ACACA: variants seen among roughly 807,000 people sequenced by gnomAD.
The protein encoded by ACACA is acetyl-CoA carboxylase 1.
In ACACA, 103 loss-of-function variants were observed where a neutral mutation model predicts 296.1. The ratio of observed to expected loss-of-function variants is 0.35; its 90% CI spans 0.30 to 0.41. ACACA has a LOEUF of 0.41. Ranked by LOEUF, ACACA falls within the 10% of genes least tolerant of loss-of-function variation. The pLI is 1.00. For synonymous variants in ACACA, 953 were observed against 1,038.6 expected (o/e 0.92, Z 1.58); for missense variants, 1,554 against 2,989.7 (o/e 0.52, Z 11.20).
chr17:37,097,702 T>G lies in ACACA; in HGVS notation c.6720+128A>C. On this transcript the variant is annotated intron_variant, in intron 53 of 55. Transcript: ENST00000616317. This position sits in a 1 kb window ranked among gnomAD's most constrained non-coding sequence, Gnocchi z 4.8. Reference sequence around the variant, plus strand: ...GTGAAAATCTAAAAAATATTGAAAATGTTTTGATCTGCAGAAGTTGTTTTA... The same window carrying G: ...GTGAAAATCTAAAAAATATTGAAAAGGTTTTGATCTGCAGAAGTTGTTTTA... 9.2e-7 allele frequency: 1 copy of G among 1,089,110 alleles called. No homozygotes were observed. The highest frequency in any genetic ancestry group is 1.3e-6 in the Non-Finnish European group (1 of 748,440). The allele number at this position is 1,089,110 out of a possible 1,614,324, so 67.5% of individuals were successfully genotyped here.
chr17:37,254,191 A>G (rs1274009525), intron 14 of ACACA, among the ~76,000 whole-genome samples: 1 of 152,238 alleles, frequency 6.6e-6, no homozygotes, highest in Non-Finnish European at 1.5e-5. Flanking sequence ...TCAATGCCAG[A>G]CAGAATACTT....
intron 29 of ACACA, among the ~76,000 whole-genome samples, chr17:37,220,369 G>A (rs1438077381): frequency 6.6e-6 from 1 of 152,156 alleles, no homozygotes; most frequent in Non-Finnish European, 1.5e-5. Flanking sequence ...ACTGCCCAAA[G>A]GGAAGCAGGA....
At chr17:37,294,494 GC>G (rs1418642652) in intron 3 of ACACA, among the ~76,000 whole-genome samples, 3 of 152,058 alleles carry the variant, frequency 2.0e-5, no homozygotes, top group Admixed American at 1.3e-4. Context: ...AGATTCAATC[GC>G]TTTTAACTGG....
intron 3 of ACACA, among the ~76,000 whole-genome samples, chr17:37,316,155 C>T (rs1449082970): frequency 2.6e-5 from 4 of 152,114 alleles, no homozygotes; most frequent in Non-Finnish European, 4.4e-5. Context: ...ATGACCTGAC[C>T]TCTGTCTTAC....
intron 25 of ACACA, among the ~76,000 whole-genome samples, chr17:37,226,694 A>T (rs190156805): frequency 6.6e-6 from 1 of 152,322 alleles, no homozygotes; most frequent in Admixed American, 6.5e-5. Flanking sequence ...TTATAAATCA[A>T]CACTATACTT....
chr17:37,095,158 G>A (rs966282320), intron 54 of ACACA, among the ~76,000 whole-genome samples: 1 of 152,166 alleles, frequency 6.6e-6, no homozygotes, highest in East Asian at 1.9e-4. Flanking sequence ...AATGTGGTAG[G>A]GAGGCAGTGC....
intron 1 of ACACA, among the ~76,000 whole-genome samples, chr17:37,346,035 G>GC (rs767694833): frequency 1.6e-4 from 24 of 152,196 alleles, no homozygotes; most frequent in Non-Finnish European, 2.4e-4. Context: ...CTATAATGGA[G>GC]CCCCTGCACT....
Position 37,230,251 on chromosome 17 carries a change from G to A in ACACA, c.3247-3799C>T, listed in dbSNP as rs1252582676. Among the ~76,000 whole-genome samples, 7 of 151,632 alleles carry A rather than the reference G, an allele frequency of 4.6e-5. 1 individual carries two copies. Among genetic ancestry groups the A allele is most frequent in the African/African-American group, 1.7e-4 (7 of 41,308 alleles). On this transcript the variant is annotated intron_variant, in intron 25 of 55. Transcript: ENST00000616317. Reference sequence around the variant, plus strand: ...AATACAAAATTAACTGGGTGCAGTGGTGCATGCCTGTTATCCCAGCTACTC... The same window carrying A: ...AATACAAAATTAACTGGGTGCAGTGATGCATGCCTGTTATCCCAGCTACTC...
At chr17:37,276,337 T>A (rs149681605) in intron 7 of ACACA, among the ~76,000 whole-genome samples, 11 of 152,376 alleles carry the variant, frequency 7.2e-5, no homozygotes, top group African/African-American at 2.6e-4. Flanking sequence ...TCATTCTTCA[T>A]GATCCAACTT....
At chr17:37,359,260 C>T (rs2049297690) in intron 1 of ACACA, 1 of 611,228 alleles carries the variant, frequency 1.6e-6, no homozygotes, top group Non-Finnish European at 2.0e-6. Flanking sequence ...CCGCTCCGGG[C>T]TGCGGCGCTG....
intron 43 of ACACA, among the ~76,000 whole-genome samples, chr17:37,155,006 A>C (rs967278485): frequency 5.9e-5 from 9 of 152,208 alleles, no homozygotes; most frequent in African/African-American, 2.2e-4. Context: ...AATCTTGGGA[A>C]GGCAATTTAA....
At chr17:37,325,477 A>G (rs1482556705) in intron 3 of ACACA, among the ~76,000 whole-genome samples, 2 of 151,688 alleles carry the variant, frequency 1.3e-5, no homozygotes, top group African/African-American at 4.8e-5. Flanking sequence ...CTAGCTGATC[A>G]TATCTAAAAA....
intron 2 of ACACA, among the ~76,000 whole-genome samples, chr17:37,331,637 A>ATC (rs1321419967): frequency 6.6e-6 from 1 of 151,622 alleles, no homozygotes; most frequent in Non-Finnish European, 1.5e-5. Context: ...TGAACTCCTG[A>ATC]TCTCATGATC....
At chr17:37,351,315 T>A (rs2048893306) in intron 1 of ACACA, among the ~76,000 whole-genome samples, 1 of 151,426 alleles carries the variant, frequency 6.6e-6, no homozygotes, top group Non-Finnish European at 1.5e-5. Context: ...TACAAAAAAT[T>A]AGCTGGGCAT....
chr17:37,176,006 T>C (rs548817368), intron 41 of ACACA, among the ~76,000 whole-genome samples: 2 of 152,096 alleles, frequency 1.3e-5, no homozygotes, highest in Admixed American at 6.6e-5. Flanking sequence ...CCTCCTCAAA[T>C]GGCAAAGAAG....
chr17:37,339,828 T>G lies in ACACA; in HGVS notation c.61A>C (p.Thr21Pro), dbSNP rs1281721298. 7.2e-7 allele frequency: 1 copy of G among 1,387,122 alleles called. No homozygotes were observed. Among genetic ancestry groups the G allele is most frequent in the Middle Eastern group, 1.8e-4 (1 of 5,568 alleles). 85.9% of individuals were successfully genotyped at this position (1,387,122 alleles called of 1,614,324 possible). The part of the protein sequence containing the change: ...RARSFWKWIS[T>P]QTVRIIRAVR... ...CCTCTTATAATTCTTACTGTCTGAG[T>G]AGATATCCACTTCCAAAAAGACCTA... Residue 21 changes from threonine to proline, a missense_variant, in exon 2 of 56, where the codon ACT becomes CCT. This residue lies in a region of ACACA where 140 missense variants were observed against 147.7 expected (regional missense o/e 0.95). Transcript: ENST00000616317.
At chr17:37,347,057 A>C (rs1488479354) in intron 1 of ACACA, among the ~76,000 whole-genome samples, 1 of 152,118 alleles carries the variant, frequency 6.6e-6, no homozygotes, top group East Asian at 1.9e-4. Context: ...CTGTGTCCCC[A>C]CCCAAACCTC....
intron 18 of ACACA, chr17:37,247,772 C>G (rs1017641319): frequency 2.4e-5 from 14 of 579,800 alleles, no homozygotes; most frequent in Admixed American, 9.2e-5. Flanking sequence ...ACAATGGTTA[C>G]TTATAAAAAG....
intron 3 of ACACA, 55 bp downstream of exon 3, chr17:37,330,118 A>C: frequency 6.2e-7 from 1 of 1,607,490 alleles, no homozygotes. Context: ...TCAGAACATA[A>C]TCAGCAAAAC....
Sources: allele counts gnomAD v4.1 joint callset (sites outside exome capture counted in the v4.1 genomes callset), GRCh38; gene constraint gnomAD v4.1.1; regional missense constraint gnomAD v4.1.1; non-coding constraint Gnocchi (gnomAD v3.1); transcripts MANE v1.5; gene names NCBI Gene and HGNC (gene_info 2026-07-23, HGNC 2026-07-21).